CMC1: variants seen among roughly 807,000 people sequenced by gnomAD.
CMC1 encodes the protein C-X9-C motif containing 1, also known as COX assembly mitochondrial protein homolog.
A neutral mutation model predicts 14.1 loss-of-function variants in CMC1; 14 were observed. That is an observed-to-expected ratio of 0.99 (90% CI 0.66 to 1.55). The LOEUF is 1.55. Ranked by LOEUF, CMC1 falls within the 40% of genes most tolerant of loss-of-function variation. The pLI is 0.00. For synonymous variants in CMC1, 50 were observed against 38.4 expected (o/e 1.30, Z -1.12); for missense variants, 127 against 123.8 (o/e 1.03, Z -0.12).
At chr3:28,259,011 T>C (rs539140740) in intron 1 of CMC1, among the ~76,000 whole-genome samples, 6 of 152,294 alleles carry the variant, frequency 3.9e-5, no homozygotes, top group Non-Finnish European at 5.9e-5. Context: ...TTCTGTAGTT[T>C]TGTAGTATGA....
At chr3:28,290,477 G>A (rs1701413882) in intron 2 of CMC1, among the ~76,000 whole-genome samples, 1 of 152,056 alleles carries the variant, frequency 6.6e-6, no homozygotes, top group Admixed American at 6.5e-5. Flanking sequence ...GGAAGTCTGA[G>A]AGCAGCCTGA....
At chr3:28,255,039 T>C (rs573955015) in intron 1 of CMC1, among the ~76,000 whole-genome samples, 4 of 152,328 alleles carry the variant, frequency 2.6e-5, no homozygotes, top group South Asian at 4.1e-4. Flanking sequence ...TTCTCTCTTA[T>C]CTGATCCTTC....
In CMC1 at chr3:28,291,455, T is replaced by C. The variant is rs143295959; in HGVS notation, c.110-24878T>C. Among the ~76,000 whole-genome samples, 221 of 152,338 alleles carry C rather than the reference T, an allele frequency of 1.5e-3. 1 individual carries two copies. The highest frequency in any genetic ancestry group is 4.8e-3 in the African/African-American group (201 of 41,582). On this transcript the variant is annotated intron_variant, in intron 2 of 3. Transcript: ENST00000466830. The stretch of plus-strand genomic sequence containing the variant: ...TTAGCTGTGTCTATGCTATTTCTTT[T>C]ATGTTTCTAATATATTTATTAGCAC...
intron 1 of CMC1, among the ~76,000 whole-genome samples, chr3:28,250,043 G>A (rs1350222470): frequency 6.6e-6 from 1 of 152,076 alleles, no homozygotes. Flanking sequence ...TCGAATTAAG[G>A]CCTCACCTTT....
intron 3 of CMC1, chr3:28,318,467 TG>T (rs891929853): frequency 2.1e-5 from 3 of 142,430 alleles, no homozygotes; most frequent in Admixed American, 1.4e-4. Flanking sequence ...TTAATGTTGG[TG>T]ATTCCCCAAG....
chr3:28,309,887 C>T (rs895243281), intron 2 of CMC1, among the ~76,000 whole-genome samples: 2 of 130,378 alleles, frequency 1.5e-5, no homozygotes, highest in African/African-American at 3.0e-5. Flanking sequence ...TACATTTTAA[C>T]ATTGCCTGCT....
At chr3:28,316,509 T>G in intron 3 of CMC1, 86 bp downstream of exon 3, 1 of 616,974 alleles carries the variant, frequency 1.6e-6, no homozygotes, top group Non-Finnish European at 2.7e-6. Flanking sequence ...TGTAATATAT[T>G]CTGTACCTCT....
chr3:28,264,466 A>G (rs760369316), intron 2 of CMC1, among the ~76,000 whole-genome samples: 11 of 152,192 alleles, frequency 7.2e-5, no homozygotes, highest in Non-Finnish European at 1.6e-4. Context: ...TGTTTCTTCA[A>G]TAACTTATTA....
chr3:28,300,242 C>T (rs926726447), intron 2 of CMC1, among the ~76,000 whole-genome samples: 2 of 152,124 alleles, frequency 1.3e-5, no homozygotes, highest in African/African-American at 4.8e-5. Context: ...TCGTTTTACA[C>T]TGGAATACTG....
rs1703281004 is a variant in CMC1, at chr3:28,323,981, C to A, written c.*4352C>A. Reference sequence around the variant, plus strand: ...CTCCTTTCAGTTTGTTAAATAATTTCTTGGGAGGACCACTGAAAGAGATAA... The same window carrying A: ...CTCCTTTCAGTTTGTTAAATAATTTATTGGGAGGACCACTGAAAGAGATAA... On this transcript the variant is annotated 3_prime_UTR_variant, in exon 4 of 4. Coordinates refer to ENST00000466830, the MANE Select transcript of CMC1 (RefSeq NM_182523.2). The A allele has an allele frequency of 6.7e-7, 1 of 1,489,648 alleles. No individual in the cohort carries two copies. The highest frequency in any genetic ancestry group is 9.1e-7 in the Non-Finnish European group (1 of 1,104,882). 92.3% of individuals were successfully genotyped at this position (1,489,648 alleles called of 1,614,324 possible).
intron 1 of CMC1, chr3:28,253,668 A>G: frequency 1.1e-6 from 1 of 892,126 alleles, no homozygotes; most frequent in Non-Finnish European, 1.6e-6. Context: ...AAATATAGAA[A>G]CTATTGCTAA....
At chr3:28,247,854 CTT>C (rs537013089) in intron 1 of CMC1, among the ~76,000 whole-genome samples, 1 of 148,340 alleles carries the variant, frequency 6.7e-6, no homozygotes, top group Non-Finnish European at 1.5e-5. Context: ...CTAAGCTGTA[CTT>C]TTTTTTTTGT....
At chr3:28,270,750 G>C (rs560980851) in intron 2 of CMC1, among the ~76,000 whole-genome samples, 2 of 151,904 alleles carry the variant, frequency 1.3e-5, no homozygotes, top group South Asian at 4.2e-4. Flanking sequence ...AAACTCTTTA[G>C]TTTAACTAGA....
In CMC1 at chr3:28,244,822, A is replaced by G. The variant is rs149675082; in HGVS notation, c.19+3010A>G. On this transcript the variant is annotated intron_variant, in intron 1 of 3. Transcript: ENST00000466830. ...TCAAATCTAACAATGTGATTATTGG[A>G]AACTTCATCAAAGGAAGGAATGGAA... Among the ~76,000 whole-genome samples the G allele has an allele frequency of 5.7e-3, 866 of 152,130 alleles. 3 individuals are homozygous for G. Among genetic ancestry groups the G allele is most frequent in the Non-Finnish European group, 8.1e-3 (552 of 67,994 alleles).
chr3:28,275,522 C>T (rs913169187), intron 2 of CMC1, among the ~76,000 whole-genome samples: 1 of 151,774 alleles, frequency 6.6e-6, no homozygotes. Context: ...GGGGCACCGA[C>T]CTGATGCCAG....
At chr3:28,290,070 TG>T (rs1701390050) in intron 2 of CMC1, among the ~76,000 whole-genome samples, 1 of 152,148 alleles carries the variant, frequency 6.6e-6, no homozygotes, top group South Asian at 2.1e-4. Context: ...ATTCTAATTT[TG>T]AACAGTATTG....
At chr3:28,280,350 T>C (rs1241688112) in intron 2 of CMC1, among the ~76,000 whole-genome samples, 1 of 152,170 alleles carries the variant, frequency 6.6e-6, no homozygotes, top group Non-Finnish European at 1.5e-5. Flanking sequence ...AGGTATACTT[T>C]TGTTTCATTG....
chr3:28,295,623 T>C (rs900749546), intron 2 of CMC1, among the ~76,000 whole-genome samples: 9 of 152,226 alleles, frequency 5.9e-5, no homozygotes, highest in Admixed American at 5.2e-4. Flanking sequence ...TGCTCAATAC[T>C]CCTTTTAGAA....
rs762488876 is a variant in CMC1, at chr3:28,324,394, A to G, written c.*4765A>G. The stretch of plus-strand genomic sequence containing the variant: ...TCTTGTGTATGTTGCAGTAAAATTC[A>G]TCAAGTGCAGTTTTGTGCTGTCTCT... On this transcript the variant is annotated 3_prime_UTR_variant, in exon 4 of 4. Coordinates refer to ENST00000466830, the MANE Select transcript of CMC1 (RefSeq NM_182523.2). The G allele has an allele frequency of 3.2e-6, 5 of 1,556,388 alleles. No homozygotes were observed. The highest frequency in any genetic ancestry group is 4.3e-6 in the Non-Finnish European group (5 of 1,150,808).
Sources: gnomAD v4.1 joint callset for allele counts (sites outside exome capture counted in the v4.1 genomes callset) on GRCh38, gnomAD v4.1.1 for gene constraint, MANE v1.5 for transcripts, NCBI Gene and HGNC (gene_info 2026-07-23, HGNC 2026-07-21) for gene names.